CCDC171: variants seen among roughly 807,000 people sequenced by gnomAD.
CCDC171 encodes the protein coiled-coil domain containing 171, also known as coiled-coil domain-containing protein 171.
Under a neutral mutation model 168.2 loss-of-function variants are expected in CCDC171, and 177 were observed. The ratio of observed to expected loss-of-function variants is 1.05; its 90% CI spans 0.93 to 1.19. CCDC171 has a LOEUF of 1.19. Ranked by LOEUF, CCDC171 falls within the 50% of genes most tolerant of loss-of-function variation. The probability of loss-of-function intolerance (pLI) is 0.00; values close to 1 mark genes in which losing one functional copy is unlikely to be tolerated. For missense variants in CCDC171, 1,991 were observed against 1,539.0 expected, an observed-to-expected ratio of 1.29 and a Z score of -4.91; for synonymous variants, 687 against 540.8, an observed-to-expected ratio of 1.27 and a Z score of -3.75.
At chr9:15,974,154 G>C (rs1015934034), downstream of CCDC171, 3 of 151,940 alleles carry the variant, frequency 2.0e-5, no homozygotes, top group Non-Finnish European at 2.9e-5. Context: ...TAAGCAACTA[G>C]ATGCTAAAGG....
intron 21 of CCDC171, among the ~76,000 whole-genome samples, chr9:15,786,074 G>T (rs1001871109): frequency 6.6e-6 from 1 of 151,982 alleles, no homozygotes; most frequent in African/African-American, 2.4e-5. Flanking sequence ...GACCAGGATG[G>T]TATTAGTATT....
intron 11 of CCDC171, among the ~76,000 whole-genome samples, chr9:15,698,020 C>A (rs1190616113): frequency 6.6e-6 from 1 of 152,002 alleles, no homozygotes; most frequent in African/African-American, 2.4e-5. Flanking sequence ...CATTTCAAAT[C>A]TTCTGGCTAT....
chr9:15,883,051 C>A, intron 24 of CCDC171: 2 of 272,344 alleles, frequency 7.3e-6, no homozygotes, highest in South Asian at 1.9e-5. Flanking sequence ...TCTTTTGAGA[C>A]AGGATCTTCC....
chr9:15,823,626 G>A (rs987066111), intron 21 of CCDC171, among the ~76,000 whole-genome samples: 6 of 152,012 alleles, frequency 3.9e-5, no homozygotes, highest in African/African-American at 1.2e-4. Context: ...TTGACAATAC[G>A]CATGAGGACG....
intron 21 of CCDC171, among the ~76,000 whole-genome samples, chr9:15,840,773 C>A (rs2060645119): frequency 1.3e-5 from 2 of 151,126 alleles, no homozygotes; most frequent in South Asian, 4.2e-4. Context: ...TCTTTACTAT[C>A]CTCCTTTTTT....
downstream of CCDC171, among the ~76,000 whole-genome samples, chr9:15,978,751 A>G (rs1434616292): frequency 6.6e-6 from 1 of 152,194 alleles, no homozygotes; most frequent in Non-Finnish European, 1.5e-5. Flanking sequence ...AATATAGTTC[A>G]CGTAACATAC....
At chr9:16,058,808 A>C (rs1176769261) in intron 1 of CCDC171, among the ~76,000 whole-genome samples, 2 of 152,348 alleles carry the variant, frequency 1.3e-5, no homozygotes, top group East Asian at 3.9e-4. Context: ...AAGTAATGAG[A>C]AACGTAAATT....
intron 18 of CCDC171, among the ~76,000 whole-genome samples, chr9:15,747,155 G>T (rs2055354421): frequency 6.6e-6 from 1 of 152,170 alleles, no homozygotes; most frequent in African/African-American, 2.4e-5. Flanking sequence ...GCTCAAACTG[G>T]GCGGAGCCTA....
Position 15,663,054 on chromosome 9 carries a change from C to T in CCDC171, c.916-3109C>T, listed in dbSNP as rs141081275. Among the ~76,000 whole-genome samples the T allele has an allele frequency of 3.9e-5, 6 of 152,228 alleles. No homozygotes were observed. In the East Asian group the frequency reaches 5.8e-4, roughly 15 times the overall value. ...CCTGATTAGATCCTTGTAGCCACCC[C>T]GCAAAGTAGATAGTCTAGTTGACAT... On this transcript the variant is annotated intron_variant, in intron 8 of 25. Transcript: ENST00000380701.
chr9:15,723,668 G>A lies in CCDC171; in HGVS notation c.1426-13G>A. On this transcript the variant is annotated splice_polypyrimidine_tract_variant and intron_variant, in intron 12 of 25. Coordinates refer to ENST00000380701, the MANE Select transcript of CCDC171 (RefSeq NM_173550.4). Reference sequence around the variant, plus strand: ...TTTTCTTTCATCAGCTAAACAGCATGAATGATGTTAAGGAAAAGGCATGTA... The same window carrying A: ...TTTTCTTTCATCAGCTAAACAGCATAAATGATGTTAAGGAAAAGGCATGTA... 1 of 1,580,218 alleles carries A rather than the reference G, an allele frequency of 6.3e-7. No individual in the cohort carries two copies.
intron 6 of CCDC171, among the ~76,000 whole-genome samples, chr9:16,023,141 T>G (rs1366021646): frequency 1.3e-5 from 2 of 152,074 alleles, no homozygotes; most frequent in Non-Finnish European, 2.9e-5. Context: ...TCGCCCAGGC[T>G]GGAGTGCAGT....
intron 6 of CCDC171, among the ~76,000 whole-genome samples, chr9:15,616,174 A>T (rs968538274): frequency 2.0e-5 from 3 of 151,672 alleles, no homozygotes; most frequent in Admixed American, 6.6e-5. Flanking sequence ...TTGGTCTCGA[A>T]CTCCTGATCT....
At chr9:15,827,544 G>A (rs2060063770) in intron 21 of CCDC171, among the ~76,000 whole-genome samples, 1 of 152,120 alleles carries the variant, frequency 6.6e-6, no homozygotes, top group South Asian at 2.1e-4. Flanking sequence ...TCTGTTGCTT[G>A]TTTATTTTCG....
chr9:15,750,394 A>C (rs754183087), intron 18 of CCDC171, among the ~76,000 whole-genome samples: 1 of 152,186 alleles, frequency 6.6e-6, no homozygotes, highest in Non-Finnish European at 1.5e-5. Flanking sequence ...AGAGGTACAA[A>C]GAGGAGCTGG....
intron 25 of CCDC171, among the ~76,000 whole-genome samples, chr9:15,969,917 GA>G (rs1831176366): frequency 6.6e-6 from 1 of 152,182 alleles, no homozygotes; most frequent in Non-Finnish European, 1.5e-5. Context: ...GTTCTGAGCT[GA>G]GATGATCAGG....
chr9:15,598,960 T>C (rs2042607172), intron 6 of CCDC171, among the ~76,000 whole-genome samples: 1 of 152,156 alleles, frequency 6.6e-6, no homozygotes, highest in Non-Finnish European at 1.5e-5. Flanking sequence ...TATCAGAGAC[T>C]AGGATTGCAA....
chr9:15,661,426 C>A (rs2048316371), intron 8 of CCDC171, among the ~76,000 whole-genome samples: 1 of 151,826 alleles, frequency 6.6e-6, no homozygotes, highest in African/African-American at 2.4e-5. Context: ...TAGTTAATTA[C>A]TATAAATAAG....
chr9:16,092,458 T>A, the CCDC171 span, among the ~76,000 whole-genome samples: 4 of 152,288 alleles, frequency 2.6e-5, no homozygotes, highest in East Asian at 7.7e-4. Flanking sequence ...GGGAACTGTT[T>A]TCTGCAGTGA....
the CCDC171 span, among the ~76,000 whole-genome samples, chr9:16,088,410 G>C: frequency 2.0e-5 from 3 of 152,186 alleles, no homozygotes; most frequent in African/African-American, 7.2e-5. Context: ...TATTCAGATA[G>C]GAAGAGAGGA....
Sources: allele counts gnomAD v4.1 joint callset (sites outside exome capture counted in the v4.1 genomes callset), GRCh38; gene constraint gnomAD v4.1.1; transcripts MANE v1.5; gene names NCBI Gene and HGNC (gene_info 2026-07-23, HGNC 2026-07-21).